Variants in TRPM3 observed in about 807,000 individuals in gnomAD.
TRPM3 encodes transient receptor potential cation channel subfamily M member 3.
TRPM3 carries 77 observed loss-of-function variants against 181.2 expected under a neutral mutation model. The observed-to-expected ratio is 0.42, with a 90% CI of 0.35 to 0.51. The LOEUF (loss-of-function observed/expected upper bound fraction) is 0.51. Among genes scored for constraint, TRPM3 ranks in the 20% least tolerant of loss-of-function variants. The pLI is 0.01. For missense variants in TRPM3, 1,759 were observed against 2,196.7 expected (o/e 0.80, Z 3.98); for synonymous variants, 745 against 796.4 (o/e 0.94, Z 1.09).
intron 6 of TRPM3, among the ~76,000 whole-genome samples, chr9:70,803,558 C>T (rs1564369153): frequency 6.7e-6 from 1 of 149,702 alleles, no homozygotes; most frequent in African/African-American, 2.5e-5. Flanking sequence ...ATGCTTTTCT[C>T]CTGCCTCAGC....
intron 6 of TRPM3, among the ~76,000 whole-genome samples, chr9:70,820,428 C>T (rs2093062831): frequency 6.6e-6 from 1 of 152,182 alleles, no homozygotes; most frequent in Non-Finnish European, 1.5e-5. Context: ...GCTCTTGTTG[C>T]CCAGGCTGGA....
intron 8 of TRPM3, among the ~76,000 whole-genome samples, chr9:70,689,621 G>T (rs961414229): frequency 6.6e-6 from 1 of 152,022 alleles, no homozygotes; most frequent in Non-Finnish European, 1.5e-5. Flanking sequence ...ATAAGAGAAT[G>T]ATAGGCTATT....
chr9:71,331,535 G>T (rs557982990), intron 1 of TRPM3, among the ~76,000 whole-genome samples: 1 of 151,396 alleles, frequency 6.6e-6, no homozygotes, highest in African/African-American at 2.4e-5. Flanking sequence ...TTATAATCTT[G>T]CAAGAAGAAC....
At chr9:71,174,270 A>AGTGGTT (rs771150426) in intron 1 of TRPM3, among the ~76,000 whole-genome samples, 42 of 152,244 alleles carry the variant, frequency 2.8e-4, no homozygotes, top group African/African-American at 9.9e-4. Context: ...GGCGGGGTAC[A>AGTGGTT]GTGGTTCAGG....
At chr9:71,016,302 T>G (rs937757543) in intron 1 of TRPM3, among the ~76,000 whole-genome samples, 24 of 151,966 alleles carry the variant, frequency 1.6e-4, no homozygotes, top group African/African-American at 5.6e-4. Flanking sequence ...TTAACCATTT[T>G]TAAGTGTACA....
At chr9:70,942,719 C>G (rs1471489715) in intron 1 of TRPM3, among the ~76,000 whole-genome samples, 1 of 152,152 alleles carries the variant, frequency 6.6e-6, no homozygotes, top group Non-Finnish European at 1.5e-5. Context: ...CCATTATTAG[C>G]AATGTGCTAT....
chr9:70,744,500 T>C (rs1221781804), intron 8 of TRPM3, among the ~76,000 whole-genome samples: 1 of 152,208 alleles, frequency 6.6e-6, no homozygotes, highest in Non-Finnish European at 1.5e-5. Flanking sequence ...CAGAGCTTTA[T>C]ACACTATAAG....
chr9:70,964,041 T>C (rs1368302987), intron 1 of TRPM3, among the ~76,000 whole-genome samples: 1 of 152,138 alleles, frequency 6.6e-6, no homozygotes, highest in Non-Finnish European at 1.5e-5. Flanking sequence ...GGCAAATCAG[T>C]GACTACAGAT....
At chr9:70,909,963 G>C (rs763184543) in intron 1 of TRPM3, among the ~76,000 whole-genome samples, 1 of 152,134 alleles carries the variant, frequency 6.6e-6, no homozygotes, top group African/African-American at 2.4e-5. Context: ...AGTGTAAATT[G>C]CTACAATTTG....
intron 1 of TRPM3, among the ~76,000 whole-genome samples, chr9:71,241,169 C>G (rs1249904354): frequency 6.6e-6 from 1 of 152,094 alleles, no homozygotes; most frequent in East Asian, 1.9e-4. Flanking sequence ...GCAACATCCT[C>G]CAAACAGACC....
intron 1 of TRPM3, among the ~76,000 whole-genome samples, chr9:71,017,638 A>T (rs529710343): frequency 6.6e-6 from 1 of 152,030 alleles, no homozygotes; most frequent in Non-Finnish European, 1.5e-5. Flanking sequence ...ACAAAAGGCC[A>T]ATTCACATAA....
chr9:70,564,936 C>T (rs1270719326), intron 22 of TRPM3, among the ~76,000 whole-genome samples: 3 of 152,170 alleles, frequency 2.0e-5, no homozygotes, highest in African/African-American at 4.8e-5. Context: ...GGTTCAGGCT[C>T]GAATCTCTCT....
intron 1 of TRPM3, among the ~76,000 whole-genome samples, chr9:70,882,898 G>A (rs909595161): frequency 6.6e-6 from 1 of 152,128 alleles, no homozygotes; most frequent in African/African-American, 2.4e-5. Context: ...AAGAATAAAG[G>A]ATAATGAAGG....
chr9:71,273,466 G>C (rs1450867298), intron 1 of TRPM3, among the ~76,000 whole-genome samples: 2 of 152,188 alleles, frequency 1.3e-5, no homozygotes, highest in African/African-American at 2.4e-5. Flanking sequence ...AGACCATAGA[G>C]ACAGCACTGG....
chr9:70,637,972 G>A (rs558307264), intron 11 of TRPM3, among the ~76,000 whole-genome samples: 72 of 152,178 alleles, frequency 4.7e-4, no homozygotes, highest in Non-Finnish European at 9.1e-4. Context: ...GAACCTGCAC[G>A]TTCTGCAAAT....
At chr9:70,697,960 C>T (rs996121837) in intron 8 of TRPM3, among the ~76,000 whole-genome samples, 2 of 152,148 alleles carry the variant, frequency 1.3e-5, no homozygotes, top group African/African-American at 2.4e-5. Context: ...GTAATCCCAG[C>T]ACTTCGGGAG....
chr9:71,035,787 C>G (rs2058108093), intron 1 of TRPM3, among the ~76,000 whole-genome samples: 1 of 152,024 alleles, frequency 6.6e-6, no homozygotes. Flanking sequence ...TTTACTGGGA[C>G]TTGCTGTAGT....
chr9:70,683,428 CTTTTTTTTTTTTTTTTTTT>C (rs575176948), intron 8 of TRPM3, among the ~76,000 whole-genome samples: 19 of 57,472 alleles, frequency 3.3e-4, no homozygotes, highest in Admixed American at 3.3e-3. Flanking sequence ...TCTCTCTCTC[CTTTTTTTTTTTTTTTTTTT>C]TTTTTTTTTT....
chr9:71,082,230 C>T (rs1441375247), intron 1 of TRPM3, among the ~76,000 whole-genome samples: 1 of 152,078 alleles, frequency 6.6e-6, no homozygotes, highest in Admixed American at 6.6e-5. Context: ...TTACTGAAGG[C>T]AATTTGTTTG....
Sources: allele counts gnomAD v4.1 joint callset (sites outside exome capture counted in the v4.1 genomes callset), GRCh38; gene constraint gnomAD v4.1.1; transcripts MANE v1.5; gene names NCBI Gene and HGNC (gene_info 2026-07-23, HGNC 2026-07-21).